CPA4: variants seen among roughly 807,000 people sequenced by gnomAD.
The protein encoded by CPA4 is carboxypeptidase A3.
In CPA4, 49 loss-of-function variants were observed where a neutral mutation model predicts 54.7. The observed-to-expected ratio is 0.90, with a 90% CI of 0.71 to 1.14. The LOEUF (loss-of-function observed/expected upper bound fraction) is 1.14. Among genes scored for constraint, CPA4 ranks in the 50% most tolerant of loss-of-function variants. The probability of loss-of-function intolerance (pLI) is 0.00; values close to 1 mark genes in which losing one functional copy is unlikely to be tolerated. For missense variants in CPA4, 487 were observed against 525.1 expected (o/e 0.93, Z 0.71); for synonymous variants, 215 against 206.8 (o/e 1.04, Z -0.34).
At chr7:130,308,639 C>T (rs548430748) in intron 8 of CPA4, among the ~76,000 whole-genome samples, 1 of 152,076 alleles carries the variant, frequency 6.6e-6, no homozygotes, top group East Asian at 1.9e-4. Flanking sequence ...CTCACCGCGA[C>T]CTCTGCCTCC....
At chr7:130,295,839 C>T (rs544592186) in intron 1 of CPA4, among the ~76,000 whole-genome samples, 5 of 152,208 alleles carry the variant, frequency 3.3e-5, no homozygotes, top group African/African-American at 9.6e-5. Flanking sequence ...ATTAGCTGGG[C>T]GTGGAGGTGC....
intron 4 of CPA4, among the ~76,000 whole-genome samples, chr7:130,301,796 G>A (rs538637260): frequency 1.3e-5 from 2 of 152,216 alleles, no homozygotes; most frequent in Non-Finnish European, 2.9e-5. Context: ...ACTTCCAACG[G>A]CACTGCCCCT....
At chr7:130,316,909 C>CAAAAAAA (rs55938623) in intron 10 of CPA4, among the ~76,000 whole-genome samples, 2 of 124,762 alleles carry the variant, frequency 1.6e-5, no homozygotes, top group Non-Finnish European at 3.3e-5. Flanking sequence ...AACTCTGTCT[C>CAAAAAAA]AAAAAAAAAA....
At chr7:130,301,124 T>C (rs1422266399) in intron 4 of CPA4, among the ~76,000 whole-genome samples, 1 of 152,188 alleles carries the variant, frequency 6.6e-6, no homozygotes, top group Non-Finnish European at 1.5e-5. Flanking sequence ...GGCTATTTCC[T>C]CCCTCAACCA....
intron 9 of CPA4, 49 bp downstream of exon 9, chr7:130,311,035 T>C (rs1334660976): frequency 8.1e-6 from 12 of 1,478,910 alleles, no homozygotes; most frequent in Non-Finnish European, 8.5e-6. Flanking sequence ...CTGACCCTCC[T>C]GGCGCTGCTA....
chr7:130,295,790 A>G (rs1424618686), intron 1 of CPA4, among the ~76,000 whole-genome samples: 2 of 151,718 alleles, frequency 1.3e-5, no homozygotes, highest in African/African-American at 2.4e-5. Flanking sequence ...GACCAGCCTG[A>G]CCAACATAGA....
intron 3 of CPA4, 141 bp from the exon 4 acceptor site, chr7:130,300,675 C>CA (rs1793726081): frequency 1.7e-6 from 1 of 594,332 alleles, no homozygotes. Context: ...AATCTAACCC[C>CA]CTTTTAAACC....
In CPA4 at chr7:130,305,723, A is replaced by G. The variant is rs1036354062; in HGVS notation, c.487-93A>G. ...ACATTTGATCTCTGAATTATCTTAA[A>G]TGAATTAAATGAATGGGAGAGAGCT... On this transcript the variant is annotated intron_variant, in intron 5 of 10. Transcript: ENST00000222482. 4 of 910,294 alleles carry G rather than the reference A, an allele frequency of 4.4e-6. No homozygotes were observed. In the East Asian group the frequency reaches 9.9e-5, roughly 23 times the overall value. The allele number at this position is 910,294 out of a possible 1,614,324, so 56.4% of individuals were successfully genotyped here.
At chr7:130,304,628 A>T (rs1460122749) in intron 5 of CPA4, 49 bp downstream of exon 5, 1 of 1,120,342 alleles carries the variant, frequency 8.9e-7, no homozygotes, top group Admixed American at 1.7e-5. Context: ...CATGCCCAGG[A>T]CCCAGCCTCA....
At chr7:130,319,880 A>T (rs1457271122) in intron 10 of CPA4, among the ~76,000 whole-genome samples, 1 of 152,180 alleles carries the variant, frequency 6.6e-6, no homozygotes, top group Non-Finnish European at 1.5e-5. Context: ...AGACAATTGC[A>T]TTTCTTTTGG....
intron 1 of CPA4, among the ~76,000 whole-genome samples, chr7:130,294,618 C>T (rs1793621337): frequency 6.6e-6 from 1 of 152,188 alleles, no homozygotes; most frequent in Non-Finnish European, 1.5e-5. Flanking sequence ...GTGGTGGGCA[C>T]CTGGGCTGCG....
chr7:130,300,958 T>C, intron 4 of CPA4, 44 bp downstream of exon 4: 2 of 1,277,012 alleles, frequency 1.6e-6, no homozygotes, highest in Non-Finnish European at 2.3e-6. Flanking sequence ...CTCTGCCTCC[T>C]GAATTTTGTA....
intron 10 of CPA4, 49 bp downstream of exon 10, chr7:130,312,171 A>G: frequency 7.3e-7 from 1 of 1,368,400 alleles, no homozygotes; most frequent in African/African-American, 1.4e-5. Context: ...TTTGAGAGGA[A>G]ACTTGAAATG....
chr7:130,322,212 A>G (rs143224167), intron 10 of CPA4, among the ~76,000 whole-genome samples: 48 of 152,120 alleles, frequency 3.2e-4, no homozygotes, highest in Middle Eastern at 6.8e-3. Context: ...CTCTATAGAG[A>G]TTGGTTTTGA....
At chr7:130,298,204 T>TGTTTTCTTTCCAGCATGGAGATGCC in intron 1 of CPA4, among the ~76,000 whole-genome samples, 1 of 152,096 alleles carries the variant, frequency 6.6e-6, no homozygotes, top group East Asian at 1.9e-4. Context: ...ATGGAGATGC[T>TGTTTTCTTTCCAGCATGGAGATGCC]GTTTTCTTTC....
At chr7:130,302,332 T>A (rs951598475) in intron 4 of CPA4, among the ~76,000 whole-genome samples, 2 of 151,810 alleles carry the variant, frequency 1.3e-5, no homozygotes, top group Non-Finnish European at 2.9e-5. Flanking sequence ...ACTAAAAAAA[T>A]ACAAAAATTA....
chr7:130,304,759 G>A, intron 5 of CPA4, 180 bp downstream of exon 5: 2 of 609,098 alleles, frequency 3.3e-6, no homozygotes, highest in Non-Finnish European at 5.8e-6. Context: ...TCTAATGTAG[G>A]GGGAGTTAGA....
In CPA4 at chr7:130,304,361, A is replaced by T; in HGVS notation, c.385-117A>T. The T allele has an allele frequency of 3.9e-6, 3 of 761,232 alleles. No homozygotes were observed. The South Asian group carries it at 4.3e-5, about 11-fold the overall frequency. The allele number at this position is 761,232 out of a possible 1,614,324, so 47.2% of individuals were successfully genotyped here. ...CGTTTCCATGCCGATAATATGGTCA[A>T]TTCCAAGATTAGGGTCCCGGAAGAG... On this transcript the variant is annotated intron_variant, in intron 4 of 10. Coordinates refer to ENST00000222482, the MANE Select transcript of CPA4 (RefSeq NM_016352.4).
chr7:130,321,489 G>T (rs1794099422), intron 10 of CPA4, among the ~76,000 whole-genome samples: 1 of 152,180 alleles, frequency 6.6e-6, no homozygotes, highest in African/African-American at 2.4e-5. Flanking sequence ...CCTTCATGAG[G>T]CTGCAGTCAA....
Sources: gnomAD v4.1 joint callset for allele counts (sites outside exome capture counted in the v4.1 genomes callset) on GRCh38, gnomAD v4.1.1 for gene constraint, MANE v1.5 for transcripts, NCBI Gene and HGNC (gene_info 2026-07-23, HGNC 2026-07-21) for gene names.